The following SORCS3 variants were observed in gnomAD, a reference collection of about 807,000 sequenced individuals.
The protein encoded by SORCS3 is VPS10 domain-containing receptor SorCS3.
In SORCS3, 57 loss-of-function variants were observed where a neutral mutation model predicts 146.3. The observed-to-expected ratio is 0.39, with a 90% CI of 0.31 to 0.49. The LOEUF is 0.49. SORCS3 is among the 20% of genes least tolerant of loss of function. The pLI is 0.92. For missense variants in SORCS3, 1,341 were observed against 1,575.5 expected, an observed-to-expected ratio of 0.85 and a Z score of 2.52; for synonymous variants, 653 against 618.5, an observed-to-expected ratio of 1.06 and a Z score of -0.83.
At chr10:105,030,585 G>T (rs945589581) in intron 4 of SORCS3, among the ~76,000 whole-genome samples, 1 of 147,384 alleles carries the variant, frequency 6.8e-6, no homozygotes, top group Non-Finnish European at 1.5e-5. Flanking sequence ...CAAAGAAGAT[G>T]CTGAAGATCC....
intron 14 of SORCS3, among the ~76,000 whole-genome samples, chr10:105,182,230 CTTTTTTTTTT>C (rs11340368): frequency 8.9e-4 from 63 of 70,482 alleles, no homozygotes; most frequent in Non-Finnish European, 1.5e-3. Flanking sequence ...TATTCAGCAT[CTTTTTTTTTT>C]TTTTTTTTTT....
intron 18 of SORCS3, 26 bp from the exon 19 acceptor site, chr10:105,216,910 G>T: frequency 6.2e-7 from 1 of 1,613,150 alleles, no homozygotes; most frequent in South Asian, 1.1e-5. Context: ...CAAGTAAATT[G>T]ACCCGTCTGC....
chr10:105,045,021 G>GAAAAAAAA (rs35904016), intron 5 of SORCS3, among the ~76,000 whole-genome samples: 14 of 117,940 alleles, frequency 1.2e-4, no homozygotes, highest in African/African-American at 1.7e-4. Flanking sequence ...TCCAGAATTC[G>GAAAAAAAA]AAAAAAAAAA....
intron 20 of SORCS3, among the ~76,000 whole-genome samples, chr10:105,239,585 A>G (rs1159197401): frequency 6.6e-6 from 1 of 152,036 alleles, no homozygotes. Context: ...GTGGGGAGGG[A>G]TGTAGCTCAC....
intron 3 of SORCS3, among the ~76,000 whole-genome samples, chr10:104,935,287 T>G (rs575388521): frequency 1.3e-5 from 2 of 152,338 alleles, no homozygotes; most frequent in South Asian, 2.1e-4. Flanking sequence ...CCCACTGAAC[T>G]CTATTGAGTT....
intron 15 of SORCS3, among the ~76,000 whole-genome samples, chr10:105,200,472 G>A (rs1440508562): frequency 6.6e-6 from 1 of 152,134 alleles, no homozygotes; most frequent in East Asian, 1.9e-4. Context: ...GAGGGCGAGA[G>A]CATTTCTCAG....
At chr10:105,154,686 T>G (rs1451260430) in intron 9 of SORCS3, among the ~76,000 whole-genome samples, 3 of 152,248 alleles carry the variant, frequency 2.0e-5, no homozygotes, top group African/African-American at 4.8e-5. Flanking sequence ...ATTCTCCAAT[T>G]CCTTTACATT....
Position 105,206,646 on chromosome 10 carries a change from T to C in SORCS3, c.2262-4491T>C, listed in dbSNP as rs1021922953. Among the ~76,000 whole-genome samples the C allele has an allele frequency of 3.3e-5, 5 of 152,292 alleles. No homozygotes were observed. The South Asian group carries it at 8.3e-4, about 25-fold the overall frequency. On this transcript the variant is annotated intron_variant, in intron 16 of 26. Coordinates refer to ENST00000369701, the MANE Select transcript of SORCS3 (RefSeq NM_014978.3). ...TAGATTAGGAGAAATATTTGAGGAATGATTGTTGGATTTTCCAAGCATTTT... is the reference window on the plus strand; with the variant it reads ...TAGATTAGGAGAAATATTTGAGGAACGATTGTTGGATTTTCCAAGCATTTT...
intron 2 of SORCS3, among the ~76,000 whole-genome samples, chr10:104,856,197 T>C (rs531217599): frequency 1.3e-5 from 2 of 152,218 alleles, no homozygotes; most frequent in African/African-American, 4.8e-5. Context: ...CTGTGTACAA[T>C]ATCTTTCCTA....
At chr10:104,852,203 T>C (rs1017768772) in intron 2 of SORCS3, among the ~76,000 whole-genome samples, 2 of 152,236 alleles carry the variant, frequency 1.3e-5, no homozygotes, top group Non-Finnish European at 2.9e-5. Flanking sequence ...GCCTGTGTAA[T>C]TGAACATTCC....
intron 25 of SORCS3, among the ~76,000 whole-genome samples, chr10:105,257,754 G>A (rs1044370860): frequency 3.3e-5 from 5 of 152,154 alleles, no homozygotes; most frequent in Non-Finnish European, 1.5e-5. Context: ...TGATTTAAAT[G>A]TCATAGTGTG....
chr10:104,776,288 C>T lies in SORCS3; in HGVS notation c.628-66504C>T, dbSNP rs370827490. Among the ~76,000 whole-genome samples the T allele has an allele frequency of 2.0e-5, 3 of 152,156 alleles. No individual in the cohort carries two copies. In the East Asian group the frequency reaches 5.8e-4, roughly 29 times the overall value. On this transcript the variant is annotated intron_variant, in intron 1 of 26. Transcript: ENST00000369701. ...GCTCTGAGCTATTTACTAACATCTC[C>T]CTTCAGGTCACAGAGCTATTCCCTA... is the stretch of plus-strand genomic sequence containing the variant.
chr10:105,063,929 G>T (rs1241350449), intron 5 of SORCS3, among the ~76,000 whole-genome samples: 1 of 152,242 alleles, frequency 6.6e-6, no homozygotes, highest in African/African-American at 2.4e-5. Flanking sequence ...CAGCTCTGCG[G>T]TGTTCCTGTA....
At chr10:104,825,232 G>A (rs1176758867) in intron 1 of SORCS3, among the ~76,000 whole-genome samples, 1 of 152,136 alleles carries the variant, frequency 6.6e-6, no homozygotes, top group Non-Finnish European at 1.5e-5. Flanking sequence ...GCATGCTGAC[G>A]GCTTACTGTG....
intron 7 of SORCS3, 121 bp from the exon 8 acceptor site, chr10:105,139,276 G>A: frequency 4.0e-6 from 3 of 755,186 alleles, no homozygotes; most frequent in South Asian, 3.3e-5. Flanking sequence ...AGCCAGCAAG[G>A]AATATTCTCT....
intron 1 of SORCS3, among the ~76,000 whole-genome samples, chr10:104,722,591 G>A (rs1254177623): frequency 1.3e-5 from 2 of 152,174 alleles, no homozygotes; most frequent in Non-Finnish European, 2.9e-5. Flanking sequence ...GAATTTGGCT[G>A]TGAATCCAAC....
Position 104,641,290 on chromosome 10 carries a change from A to G in SORCS3, c.-38A>G, listed in dbSNP as rs2015410206. On this transcript the variant is annotated 5_prime_UTR_variant, in exon 1 of 27. Coordinates refer to ENST00000369701, the MANE Select transcript of SORCS3 (RefSeq NM_014978.3). This position sits in a 1 kb window ranked among gnomAD's most constrained non-coding sequence, Gnocchi z 6.4. ...CCGGACCCGCACCTCGGCGGGCGCCACACACTCGGCAGCCCGAGCCGCGGT... is the reference window on the plus strand; with the variant it reads ...CCGGACCCGCACCTCGGCGGGCGCCGCACACTCGGCAGCCCGAGCCGCGGT... 4.8e-6 allele frequency: 6 copies of G among 1,238,734 alleles called. No individual in the cohort carries two copies. The highest frequency in any genetic ancestry group is 4.4e-5 in the Admixed American group (1 of 22,922). 76.7% of individuals were successfully genotyped at this position (1,238,734 alleles called of 1,614,324 possible).
intron 3 of SORCS3, among the ~76,000 whole-genome samples, chr10:104,939,989 TGGG>T (rs2019295924): frequency 6.6e-6 from 1 of 151,692 alleles, no homozygotes; most frequent in Admixed American, 6.6e-5. Context: ...GAAATAATTT[TGGG>T]GTGAGTTCAC....
chr10:104,945,399 A>G (rs2019360293), intron 3 of SORCS3, among the ~76,000 whole-genome samples: 4 of 152,002 alleles, frequency 2.6e-5, no homozygotes, highest in Admixed American at 1.3e-4. Context: ...CTGGGATTAT[A>G]GGAGTGCACC....
Sources: allele counts gnomAD v4.1 joint callset (sites outside exome capture counted in the v4.1 genomes callset), GRCh38; gene constraint gnomAD v4.1.1; non-coding constraint Gnocchi (gnomAD v3.1); transcripts MANE v1.5; gene names NCBI Gene and HGNC (gene_info 2026-07-23, HGNC 2026-07-21).